Variants in DNM3 observed in about 807,000 individuals in gnomAD.
The protein encoded by DNM3 is dynamin-3.
Under a neutral mutation model 101.6 loss-of-function variants are expected in DNM3, and 47 were observed. The ratio of observed to expected loss-of-function variants is 0.46; its 90% CI spans 0.37 to 0.59. DNM3 has a LOEUF of 0.59. Ranked by LOEUF, DNM3 falls within the 20% of genes least tolerant of loss-of-function variation. DNM3 has a pLI of 0.00. For synonymous variants in DNM3, 385 were observed against 387.9 expected (o/e 0.99, Z 0.09); for missense variants, 849 against 1,085.7 (o/e 0.78, Z 3.06).
At chr1:172,150,726 G>A (rs896724373) in intron 14 of DNM3, among the ~76,000 whole-genome samples, 3 of 152,152 alleles carry the variant, frequency 2.0e-5, no homozygotes, top group Admixed American at 6.6e-5. Context: ...TGCTTCCTTG[G>A]CAAATTATTT....
intron 1 of DNM3, among the ~76,000 whole-genome samples, chr1:171,907,007 A>C (rs1420196664): frequency 6.6e-6 from 1 of 151,930 alleles, no homozygotes; most frequent in African/African-American, 2.4e-5. Context: ...CCAGGGAAAA[A>C]ATAATTCCAT....
chr1:172,139,032 T>C, intron 14 of DNM3: 1 of 392,702 alleles, frequency 2.5e-6, no homozygotes, highest in Non-Finnish European at 5.1e-6. Flanking sequence ...ATTAAAACAT[T>C]ATGGAACTAA....
At chr1:171,936,430 G>T (rs1436826617) in intron 2 of DNM3, among the ~76,000 whole-genome samples, 2 of 152,036 alleles carry the variant, frequency 1.3e-5, no homozygotes, top group Non-Finnish European at 2.9e-5. Context: ...AAGGACAAAT[G>T]GTTTTGTCTC....
intron 18 of DNM3, among the ~76,000 whole-genome samples, chr1:172,382,420 C>A (rs1373635005): frequency 6.6e-6 from 1 of 152,160 alleles, no homozygotes; most frequent in African/African-American, 2.4e-5. Context: ...GCACATAATT[C>A]TGTTTGAACC....
intron 14 of DNM3, among the ~76,000 whole-genome samples, chr1:172,149,622 T>A (rs1274797968): frequency 6.6e-6 from 1 of 152,090 alleles, no homozygotes; most frequent in Non-Finnish European, 1.5e-5. Flanking sequence ...CATGTTACAA[T>A]CAGACTTTAA....
chr1:172,161,301 G>A (rs564152577), intron 14 of DNM3, among the ~76,000 whole-genome samples: 24 of 151,780 alleles, frequency 1.6e-4, no homozygotes, highest in African/African-American at 5.1e-4. Flanking sequence ...AGGAACAAAC[G>A]AATGGCACTA....
At chr1:172,157,987 A>C (rs1026558370) in intron 14 of DNM3, among the ~76,000 whole-genome samples, 3 of 152,080 alleles carry the variant, frequency 2.0e-5, no homozygotes, top group African/African-American at 7.2e-5. Context: ...ACAGCAGTAA[A>C]TTTAACAGAC....
chr1:171,865,352 C>CA (rs984411544), intron 1 of DNM3, among the ~76,000 whole-genome samples: 102 of 151,342 alleles, frequency 6.7e-4, no homozygotes, highest in African/African-American at 2.3e-3. Flanking sequence ...CTCATCTCTA[C>CA]AAAAAAATAC....
intron 2 of DNM3, among the ~76,000 whole-genome samples, chr1:171,948,570 AG>A (rs2042308178): frequency 6.6e-6 from 1 of 152,188 alleles, no homozygotes; most frequent in Non-Finnish European, 1.5e-5. Flanking sequence ...ACCACTTTAG[AG>A]AGAAAATGGA....
chr1:172,098,471 T>C (rs2054402552), intron 13 of DNM3, among the ~76,000 whole-genome samples: 1 of 152,168 alleles, frequency 6.6e-6, no homozygotes, highest in Admixed American at 6.5e-5. Flanking sequence ...TTCATATTGT[T>C]CAAACACACA....
At chr1:171,930,028 G>A (rs1466944130) in intron 2 of DNM3, among the ~76,000 whole-genome samples, 1 of 152,042 alleles carries the variant, frequency 6.6e-6, no homozygotes, top group Admixed American at 6.5e-5. Flanking sequence ...TACAGGTGTG[G>A]GTGTCTGCAG....
intron 14 of DNM3, chr1:172,138,170 G>C (rs1292987032): frequency 1.3e-5 from 2 of 152,062 alleles, no homozygotes; most frequent in Non-Finnish European, 2.9e-5. Context: ...CAAAAGAGGA[G>C]AAACTATTAT....
intron 14 of DNM3, among the ~76,000 whole-genome samples, chr1:172,135,758 G>GA (rs1388622569): frequency 4.0e-5 from 6 of 151,704 alleles, no homozygotes; most frequent in Non-Finnish European, 7.4e-5. Flanking sequence ...AATCAGACTT[G>GA]AAAAAAATGA....
chr1:171,965,439 G>A (rs900515064), intron 2 of DNM3, among the ~76,000 whole-genome samples: 1 of 151,578 alleles, frequency 6.6e-6, no homozygotes. Flanking sequence ...TGTAGTCCCA[G>A]CTACTTGAAA....
At chr1:172,331,205 A>C (rs10797969) in intron 17 of DNM3, among the ~76,000 whole-genome samples, 88,383 of 151,924 alleles carry the variant, frequency 0.58, 27,635 homozygotes, top group African/African-American at 0.82. Context: ...AGCGCTGTTG[A>C]CTACTATGAC....
intron 14 of DNM3, among the ~76,000 whole-genome samples, chr1:172,159,185 CA>C (rs566698660): frequency 3.8e-4 from 57 of 151,926 alleles, no homozygotes; most frequent in African/African-American, 1.4e-3. Flanking sequence ...CCAAGCTATG[CA>C]AAAAAGTTAT....
At chr1:172,183,767 A>AT (rs376245976) in intron 14 of DNM3, among the ~76,000 whole-genome samples, 7,471 of 62,484 alleles carry the variant, frequency 0.12, 1,077 homozygotes, top group African/African-American at 0.2. Flanking sequence ...TGCCCAGCTA[A>AT]TTTTTTTTTT....
intron 17 of DNM3, among the ~76,000 whole-genome samples, chr1:172,348,571 T>A (rs1400256064): frequency 6.6e-6 from 1 of 152,140 alleles, no homozygotes; most frequent in African/African-American, 2.4e-5. Flanking sequence ...TTTCACACAT[T>A]TATGTACAGA....
chr1:172,069,126 CAGA>C (rs1183153690), intron 11 of DNM3, among the ~76,000 whole-genome samples: 1 of 152,168 alleles, frequency 6.6e-6, no homozygotes, highest in African/African-American at 2.4e-5. Flanking sequence ...AGACTTCATT[CAGA>C]AGAATGAGAT....
Sources: gnomAD v4.1 joint callset for allele counts (sites outside exome capture counted in the v4.1 genomes callset) on GRCh38, gnomAD v4.1.1 for gene constraint, MANE v1.5 for transcripts, NCBI Gene and HGNC (gene_info 2026-07-23, HGNC 2026-07-21) for gene names.